The following SGCZ variants were observed in gnomAD, a reference collection of about 807,000 sequenced individuals.
SGCZ encodes sarcoglycan zeta, also known as zeta-sarcoglycan.
SGCZ carries 40 observed loss-of-function variants against 41.3 expected under a neutral mutation model. The observed-to-expected ratio is 0.97, with a 90% CI of 0.75 to 1.26. The LOEUF is 1.26. Among genes scored for constraint, SGCZ ranks in the 50% most tolerant of loss-of-function variants. The probability of loss-of-function intolerance (pLI) is 0.00; values close to 1 mark genes in which losing one functional copy is unlikely to be tolerated. For missense variants in SGCZ, 552 were observed against 369.8 expected (o/e 1.49, Z -4.04); for synonymous variants, 206 against 137.5 (o/e 1.50, Z -3.49).
chr8:14,755,471 G>A (rs189119064), intron 1 of SGCZ, among the ~76,000 whole-genome samples: 1 of 152,010 alleles, frequency 6.6e-6, no homozygotes, highest in Admixed American at 6.6e-5. Context: ...GTCTACTCAC[G>A]ATAAGGAAAT....
chr8:14,923,677 A>G (rs984318687), intron 1 of SGCZ, among the ~76,000 whole-genome samples: 1 of 152,224 alleles, frequency 6.6e-6, no homozygotes, highest in African/African-American at 2.4e-5. Flanking sequence ...CATGGAATTT[A>G]TATCACAGGA....
chr8:14,863,069 G>A (rs748883387), intron 1 of SGCZ, among the ~76,000 whole-genome samples: 7 of 152,134 alleles, frequency 4.6e-5, no homozygotes, highest in African/African-American at 7.2e-5. Context: ...TGAGTTCATC[G>A]CTCGGTTATG....
chr8:14,246,396 T>C (rs909388605), intron 3 of SGCZ, among the ~76,000 whole-genome samples: 1 of 149,552 alleles, frequency 6.7e-6, no homozygotes, highest in Non-Finnish European at 1.5e-5. Context: ...AATTGAATAA[T>C]CAGAACACAT....
intron 1 of SGCZ, among the ~76,000 whole-genome samples, chr8:14,922,414 G>C (rs1218141145): frequency 1.3e-5 from 2 of 152,082 alleles, no homozygotes; most frequent in Non-Finnish European, 2.9e-5. Flanking sequence ...AGTGATTCGA[G>C]TGAATATGGG....
chr8:15,117,545 A>T lies in SGCZ; in HGVS notation c.39+120040T>A, dbSNP rs116912608. Among the ~76,000 whole-genome samples, 258 of 152,270 alleles carry T rather than the reference A, an allele frequency of 1.7e-3. 3 individuals carry two copies. The East Asian group carries it at 0.043, about 25-fold the overall frequency. On this transcript the variant is annotated intron_variant, in intron 1 of 7. Coordinates refer to ENST00000382080, the MANE Select transcript of SGCZ (RefSeq NM_139167.4). ...ATGTCTGATCCTTATTAGCTGTGTG[A>T]TATTGAGCAGGTCATAACTTCTGAG...
chr8:14,557,930 C>G (rs1046550267), intron 1 of SGCZ, among the ~76,000 whole-genome samples: 1 of 151,936 alleles, frequency 6.6e-6, no homozygotes, highest in African/African-American at 2.4e-5. Flanking sequence ...CAAGATTAAC[C>G]AAGAAAAGAA....
At chr8:14,441,580 A>G (rs558206750) in intron 2 of SGCZ, among the ~76,000 whole-genome samples, 3 of 152,330 alleles carry the variant, frequency 2.0e-5, no homozygotes, top group African/African-American at 7.2e-5. Context: ...TCTCAAAAAT[A>G]AAACAAAATA....
At chr8:14,688,004 T>C (rs937216432) in intron 1 of SGCZ, among the ~76,000 whole-genome samples, 3 of 152,194 alleles carry the variant, frequency 2.0e-5, no homozygotes, top group Non-Finnish European at 4.4e-5. Flanking sequence ...TTTTGAGAAG[T>C]GTCTGTTCAT....
chr8:14,463,095 G>C (rs936023291), intron 2 of SGCZ, among the ~76,000 whole-genome samples: 1 of 151,338 alleles, frequency 6.6e-6, no homozygotes, highest in Admixed American at 6.6e-5. Flanking sequence ...GGAATCTTTA[G>C]GGCTTTCTAT....
chr8:14,823,069 A>AAAAAAAAAAAAAAAAAAAAAAC (rs1554506585), intron 1 of SGCZ, among the ~76,000 whole-genome samples: 1 of 151,412 alleles, frequency 6.6e-6, no homozygotes, highest in African/African-American at 2.4e-5. Context: ...AAAAAAAAAA[A>AAAAAAAAAAAAAAAAAAAAAAC]AAAAAAAAGA....
rs191718463 is a variant in SGCZ, at chr8:14,237,650, C to T, written c.366G>A (p.Arg122=). 6.2e-6 allele frequency: 10 copies of T among 1,613,918 alleles called. No homozygotes were observed. Among genetic ancestry groups the T allele is most frequent in the Admixed American group, 1.7e-5 (1 of 60,004 alleles). ...GATTTCTTGCATTCACTGTGACATT[C>T]CTGTCAGACTGTAAGACCAGCGGAC... ...KDSPLVLQSD[R]NVTVNARNHM... The change falls in exon 4 of 8, where the codon AGG becomes AGA. Residue 122 remains arginine (R), a synonymous_variant. Transcript: ENST00000382080.
chr8:14,336,511 C>T (rs1187811492), intron 2 of SGCZ, among the ~76,000 whole-genome samples: 2 of 152,102 alleles, frequency 1.3e-5, no homozygotes, highest in African/African-American at 2.4e-5. Flanking sequence ...TGAGAAACTG[C>T]CTCACTGCTT....
chr8:14,738,111 C>T (rs73529298), intron 1 of SGCZ, among the ~76,000 whole-genome samples: 5,477 of 152,150 alleles, frequency 0.036, 153 homozygotes, highest in African/African-American at 0.076. Context: ...GCTCTTGAGA[C>T]GACCTCATCT....
intron 1 of SGCZ, among the ~76,000 whole-genome samples, chr8:15,233,947 A>G (rs1802043377): frequency 6.6e-6 from 1 of 152,156 alleles, no homozygotes; most frequent in Admixed American, 6.5e-5. Flanking sequence ...GCAAATAACA[A>G]TTATCCACAA....
intron 1 of SGCZ, among the ~76,000 whole-genome samples, chr8:14,826,576 C>T (rs1251771689): frequency 6.6e-6 from 1 of 152,092 alleles, no homozygotes; most frequent in Non-Finnish European, 1.5e-5. Flanking sequence ...CCTATTTCTC[C>T]ACATCCTCTC....
Position 15,226,175 on chromosome 8 carries a change from G to T in SGCZ, c.39+11410C>A, listed in dbSNP as rs185101155. Among the ~76,000 whole-genome samples the T allele has an allele frequency of 3.1e-3, 470 of 151,820 alleles. 4 individuals are homozygous for T. Among genetic ancestry groups the T allele is most frequent in the African/African-American group, 8.7e-3 (359 of 41,492 alleles). On this transcript the variant is annotated intron_variant, in intron 1 of 7. Transcript: ENST00000382080. ...TGGCCTGTCTTCCTTGAAATCCTTC[G>T]GACCTACCTACCTACCTCCCTACTT...
chr8:14,454,339 A>G (rs1004961572), intron 2 of SGCZ, among the ~76,000 whole-genome samples: 2 of 152,196 alleles, frequency 1.3e-5, no homozygotes, highest in Non-Finnish European at 2.9e-5. Context: ...CACGGGAAAC[A>G]TGCTACCTTA....
intron 2 of SGCZ, among the ~76,000 whole-genome samples, chr8:14,395,286 G>T (rs899356340): frequency 3.9e-5 from 6 of 152,074 alleles, no homozygotes; most frequent in African/African-American, 1.4e-4. Context: ...TCAACTAGAA[G>T]TTACTATTGT....
At chr8:14,239,045 T>C (rs939780243) in intron 3 of SGCZ, among the ~76,000 whole-genome samples, 2 of 151,936 alleles carry the variant, frequency 1.3e-5, no homozygotes, top group African/African-American at 4.8e-5. Flanking sequence ...TTTTTTTCCA[T>C]AGGTGTAACT....
Sources: allele counts gnomAD v4.1 joint callset (sites outside exome capture counted in the v4.1 genomes callset), GRCh38; gene constraint gnomAD v4.1.1; transcripts MANE v1.5; gene names NCBI Gene and HGNC (gene_info 2026-07-23, HGNC 2026-07-21).